Variants in PRKN observed in about 807,000 individuals in gnomAD.
PRKN encodes the protein E3 ubiquitin-protein ligase parkin.
PRKN carries 56 observed loss-of-function variants against 59.5 expected under a neutral mutation model. That is an observed-to-expected ratio of 0.94 (90% CI 0.76 to 1.18). PRKN has a LOEUF of 1.18. PRKN is among the 50% of genes most tolerant of loss of function. The pLI, the probability that PRKN is intolerant of heterozygous loss-of-function variation, is 0.00. For synonymous variants in PRKN, 250 were observed against 222.1 expected, an observed-to-expected ratio of 1.13 and a Z score of -1.12; for missense variants, 657 against 596.4, an observed-to-expected ratio of 1.10 and a Z score of -1.06.
At chr6:162,172,893 C>T (rs2128320214) in intron 4 of PRKN, among the ~76,000 whole-genome samples, 1 of 152,200 alleles carries the variant, frequency 6.6e-6, no homozygotes. Flanking sequence ...AGGCCTTCCT[C>T]TCCAGAAGAA....
At chr6:162,404,641 C>A (rs1479823247) in intron 2 of PRKN, among the ~76,000 whole-genome samples, 1 of 152,098 alleles carries the variant, frequency 6.6e-6, no homozygotes, top group Non-Finnish European at 1.5e-5. Flanking sequence ...CAACCTCCAC[C>A]TCCCAGGTTC....
At chr6:162,598,184 T>G (rs1045532846) in intron 1 of PRKN, among the ~76,000 whole-genome samples, 2 of 152,204 alleles carry the variant, frequency 1.3e-5, no homozygotes, top group Non-Finnish European at 1.5e-5. Flanking sequence ...TCTGAGAAAT[T>G]GTTTTAATCA....
intron 9 of PRKN, among the ~76,000 whole-genome samples, chr6:161,476,836 C>A (rs1417388137): frequency 6.6e-6 from 1 of 152,222 alleles, no homozygotes; most frequent in Non-Finnish European, 1.5e-5. Flanking sequence ...TGTCTCGCAT[C>A]CTCTGTGAAG....
chr6:162,633,988 A>G (rs1033461999), intron 1 of PRKN, among the ~76,000 whole-genome samples: 6 of 152,204 alleles, frequency 3.9e-5, no homozygotes, highest in Non-Finnish European at 8.8e-5. Context: ...TGCTAAGTAC[A>G]TGAAAAATAT....
Position 161,973,349 on chromosome 6 carries a change from G to C in PRKN, c.687C>G (p.Ile229Met). The C allele has an allele frequency of 1.2e-6, 2 of 1,613,910 alleles. No individual in the cohort carries two copies. The highest frequency in any genetic ancestry group is 1.1e-5 in the South Asian group (1 of 91,062). ...AAGTGATGTTCCGACTATTTGTTGC[G>C]ATCAGGTGCAAAGCTACTGATGTTT... ...DKETSVALHL[I>M]ATNSRNITCI... Residue 229 changes from isoleucine (I) to methionine (M), a missense_variant, in exon 6 of 12, where the codon ATC (isoleucine) becomes ATG (methionine). Physicochemically the swap from Ile to Met is conservative, Grantham distance 10. Coordinates refer to ENST00000366898, the MANE Select transcript of PRKN (RefSeq NM_004562.3).
chr6:161,527,968 C>A lies in PRKN; in HGVS notation c.1083+20886G>T, dbSNP rs1481046238. Among the ~76,000 whole-genome samples the A allele has an allele frequency of 6.6e-6, 1 of 152,140 alleles. No individual in the cohort carries two copies. On this transcript the variant is annotated intron_variant, in intron 9 of 11. Coordinates refer to ENST00000366898, the MANE Select transcript of PRKN (RefSeq NM_004562.3). This position sits in a 1 kb window ranked among gnomAD's most constrained non-coding sequence, Gnocchi z 4.6. ...AACATTTCTTTCCCCCCACTTAGTC[C>A]CCAGAGACTTAGAGTTAACTTGAAT... is the stretch of plus-strand genomic sequence containing the variant.
At chr6:161,829,649 G>A (rs559035049) in intron 6 of PRKN, among the ~76,000 whole-genome samples, 32 of 152,018 alleles carry the variant, frequency 2.1e-4, no homozygotes, top group Non-Finnish European at 3.7e-4. Flanking sequence ...GGTAGGCCCC[G>A]CAAAGGCCTC....
chr6:161,653,647 T>C (rs1784231086), intron 7 of PRKN, among the ~76,000 whole-genome samples: 1 of 152,240 alleles, frequency 6.6e-6, no homozygotes, highest in South Asian at 2.1e-4. Flanking sequence ...TCCCACTGTC[T>C]GTCCTCCACC....
chr6:161,993,585 T>G (rs1781730124), intron 5 of PRKN, among the ~76,000 whole-genome samples: 1 of 152,234 alleles, frequency 6.6e-6, no homozygotes. Flanking sequence ...TTCTTCCTAA[T>G]GCATTCTACG....
intron 7 of PRKN, among the ~76,000 whole-genome samples, chr6:161,763,176 T>C (rs1789274958): frequency 6.6e-6 from 1 of 152,202 alleles, no homozygotes; most frequent in Non-Finnish European, 1.5e-5. Context: ...GCAAATGTCT[T>C]TGAATCGCAC....
In PRKN at chr6:161,471,034, T is replaced by C. The variant is rs1790769035; in HGVS notation, c.1083+77820A>G. Among the ~76,000 whole-genome samples the C allele has an allele frequency of 6.6e-6, 1 of 152,162 alleles. No individual in the cohort carries two copies. Among genetic ancestry groups the C allele is most frequent in the South Asian group, 2.1e-4 (1 of 4,824 alleles). Reference sequence around the variant, plus strand: ...TACTCCTTAAGGTAAGAGGATAGCATGTATTTTATTTAACAGCTTGCTAGT... The same window carrying C: ...TACTCCTTAAGGTAAGAGGATAGCACGTATTTTATTTAACAGCTTGCTAGT... On this transcript the variant is annotated intron_variant, in intron 9 of 11. Transcript: ENST00000366898. The surrounding 1 kb of genome is among the most constrained non-coding windows in gnomAD (Gnocchi z 4.5).
Position 162,342,843 on chromosome 6 carries a change from T to C in PRKN, c.172-80078A>G, listed in dbSNP as rs1370894495. On this transcript the variant is annotated intron_variant, in intron 2 of 11. Transcript: ENST00000366898. ...CTTCTAATCCCTAACGTGATATACT[T>C]ATCTACTGATTACAGAAATCTTTGC... 3.3e-5 allele frequency among the ~76,000 whole-genome samples: 5 copies of C among 152,332 alleles called. 1 individual carries two copies. Among genetic ancestry groups the C allele is most frequent in the African/African-American group, 1.2e-4 (5 of 41,588 alleles).
At chr6:161,779,960 C>T (rs761482938) in intron 7 of PRKN, among the ~76,000 whole-genome samples, 2 of 152,142 alleles carry the variant, frequency 1.3e-5, no homozygotes, top group Non-Finnish European at 2.9e-5. Flanking sequence ...TATACACATA[C>T]ATGCAGACAT....
At chr6:161,664,793 C>CTTTT (rs60215581) in intron 7 of PRKN, among the ~76,000 whole-genome samples, 3 of 145,344 alleles carry the variant, frequency 2.1e-5, no homozygotes, top group African/African-American at 5.0e-5. Context: ...CTGACTTTTT[C>CTTTT]TTTTTTTTTT....
chr6:162,602,861 G>A (rs747820020), intron 1 of PRKN, among the ~76,000 whole-genome samples: 21 of 152,152 alleles, frequency 1.4e-4, no homozygotes, highest in Non-Finnish European at 2.6e-4. Flanking sequence ...AACAAAGTTC[G>A]CAGCTAAATT....
At position 161,480,306 on chromosome 6, in the gene PRKN, G is replaced by T. The variant is rs189881326; in HGVS notation, c.1083+68548C>A. ...CCTCAAACTCTGGGGGGCCCTGTGA[G>T]TATGGGGCCCTGTGAGTATGGGGCC... On this transcript the variant is annotated intron_variant, in intron 9 of 11. Coordinates refer to ENST00000366898, the MANE Select transcript of PRKN (RefSeq NM_004562.3). This position sits in a 1 kb window ranked among gnomAD's most constrained non-coding sequence, Gnocchi z 4.1. 2.6e-3 allele frequency among the ~76,000 whole-genome samples: 387 copies of T among 149,924 alleles called. 1 individual carries two copies. Among genetic ancestry groups the T allele is most frequent in the African/African-American group, 9.0e-3 (361 of 40,326 alleles).
intron 5 of PRKN, among the ~76,000 whole-genome samples, chr6:162,006,736 T>C (rs1242998372): frequency 6.6e-6 from 1 of 152,150 alleles, no homozygotes; most frequent in South Asian, 2.1e-4. Flanking sequence ...GAGTTCAGCA[T>C]CCTAAAGCAG....
intron 7 of PRKN, among the ~76,000 whole-genome samples, chr6:161,702,219 T>C (rs892671021): frequency 2.0e-5 from 3 of 152,116 alleles, no homozygotes; most frequent in African/African-American, 7.2e-5. Flanking sequence ...AGAAGAGAAA[T>C]TCTACCAAAA....
intron 3 of PRKN, among the ~76,000 whole-genome samples, chr6:162,208,886 G>T (rs966301780): frequency 1.2e-4 from 19 of 152,134 alleles, no homozygotes; most frequent in Non-Finnish European, 4.4e-5. Context: ...GGGAAAACTG[G>T]CTAGCCATAT....
Sources: allele counts gnomAD v4.1 joint callset (sites outside exome capture counted in the v4.1 genomes callset), GRCh38; gene constraint gnomAD v4.1.1; non-coding constraint Gnocchi (gnomAD v3.1); transcripts MANE v1.5; gene names NCBI Gene and HGNC (gene_info 2026-07-23, HGNC 2026-07-21).